IL34: variants seen among roughly 807,000 people sequenced by gnomAD.
IL34 encodes the protein interleukin-34.
Under a neutral mutation model 25.3 loss-of-function variants are expected in IL34, and 17 were observed. The observed-to-expected ratio is 0.67, with a 90% CI of 0.46 to 1.01. IL34 has a LOEUF of 1.01. Ranked by LOEUF, IL34 falls within the 50% of genes least tolerant of loss-of-function variation. The pLI is 0.00. For missense variants in IL34, 368 were observed against 312.9 expected (o/e 1.18, Z -1.33); for synonymous variants, 174 against 140.9 (o/e 1.23, Z -1.66).
In IL34 at chr16:70,660,108, C is replaced by T. The variant is rs148286339; in HGVS notation, c.650C>T (p.Pro217Leu). The T allele has an allele frequency of 6.8e-5, 110 of 1,613,424 alleles. No homozygotes were observed. In the Middle Eastern group the frequency reaches 1.2e-3, roughly 17 times the overall value. Residue 217 changes from proline to leucine, a missense_variant, in exon 6 of 6, where the codon CCG becomes CTG. Coordinates refer to ENST00000288098, the MANE Select transcript of IL34 (RefSeq NM_001393494.1). ...GCCACCCAGCTGTACCCTCCGCCCC[C>T]GTGGTCCCCCAGCTCCCCGCCTCAC... ...YAATQLYPPP[P>L]WSPSSPPHST...
rs1407925976 is a variant in IL34, at chr16:70,604,636, G to C, written c.-401+24587G>C. On this transcript the variant is annotated intron_variant, in intron 1 of 6. Transcript: ENST00000429149. ...TCTGGGTTAGTCAAAAGAGGGACTGGTTCAGCCCAATCCCTGGCAGTGGAT... is the reference window on the plus strand; with the variant it reads ...TCTGGGTTAGTCAAAAGAGGGACTGCTTCAGCCCAATCCCTGGCAGTGGAT... 3.9e-5 allele frequency among the ~76,000 whole-genome samples: 6 copies of C among 152,340 alleles called. No individual in the cohort carries two copies. The East Asian group carries it at 1.2e-3, about 29-fold the overall frequency.
chr16:70,652,090 G>A (rs1181373577), intron 1 of IL34, among the ~76,000 whole-genome samples: 4 of 151,070 alleles, frequency 2.6e-5, no homozygotes, highest in East Asian at 2.0e-4. Flanking sequence ...ATTGCGCCAC[G>A]GCACTCCAGC....
At chr16:70,638,532 C>G (rs946881444) in intron 1 of IL34, among the ~76,000 whole-genome samples, 2 of 152,166 alleles carry the variant, frequency 1.3e-5, no homozygotes, top group Non-Finnish European at 2.9e-5. Flanking sequence ...CACTCTCTCT[C>G]TGGTCCCCTG....
At chr16:70,647,095 C>A in intron 1 of IL34, 120 bp downstream of exon 1, 1 of 893,310 alleles carries the variant, frequency 1.1e-6, no homozygotes, top group Non-Finnish European at 1.6e-6. Flanking sequence ...GCTTCCCAGC[C>A]GGACTGCAGA....
chr16:70,656,820 G>A, intron 3 of IL34, 140 bp from the exon 4 acceptor site: 1 of 1,092,302 alleles, frequency 9.2e-7, no homozygotes, highest in East Asian at 2.4e-5. Flanking sequence ...CTGGCCCTTG[G>A]CCCAGGCACA....
intron 1 of IL34, among the ~76,000 whole-genome samples, chr16:70,590,046 C>T (rs2151806215): frequency 6.6e-6 from 1 of 152,350 alleles, no homozygotes; most frequent in Non-Finnish European, 1.5e-5. Context: ...ACAAGGCTTT[C>T]TGCCTTCGGG....
chr16:70,632,188 G>C (rs571637639), intron 1 of IL34, among the ~76,000 whole-genome samples: 3 of 152,262 alleles, frequency 2.0e-5, no homozygotes, highest in African/African-American at 7.2e-5. Flanking sequence ...AGTTCCTTGG[G>C]ACATGGTAAG....
At chr16:70,621,354 G>C (rs2051278022) in intron 1 of IL34, among the ~76,000 whole-genome samples, 2 of 152,136 alleles carry the variant, frequency 1.3e-5, no homozygotes, top group Non-Finnish European at 2.9e-5. Context: ...GTCTCTCCCA[G>C]AAAATGAAAG....
intron 1 of IL34, among the ~76,000 whole-genome samples, chr16:70,632,767 C>T (rs1371004946): frequency 6.6e-5 from 10 of 152,098 alleles, no homozygotes; most frequent in Admixed American, 3.9e-4. Context: ...TCTGTCTGAT[C>T]AGTGGCCAAG....
intron 1 of IL34, among the ~76,000 whole-genome samples, chr16:70,633,023 G>A (rs902092537): frequency 3.9e-5 from 6 of 152,142 alleles, no homozygotes; most frequent in South Asian, 2.1e-4. Context: ...GGGGTGCAGA[G>A]GCACAACCAT....
intron 1 of IL34, among the ~76,000 whole-genome samples, chr16:70,633,572 A>G (rs1322836736): frequency 6.6e-6 from 1 of 151,726 alleles, no homozygotes; most frequent in East Asian, 1.9e-4. Context: ...GCCAAAATAC[A>G]CAATCTTAAA....
intron 1 of IL34, among the ~76,000 whole-genome samples, chr16:70,647,278 G>T (rs1252088020): frequency 6.6e-6 from 1 of 152,156 alleles, no homozygotes; most frequent in African/African-American, 2.4e-5. Context: ...AGGCTTGTGG[G>T]TGTTGGGGAG....
intron 1 of IL34, among the ~76,000 whole-genome samples, chr16:70,616,254 T>C (rs1218807392): frequency 1.3e-5 from 2 of 152,222 alleles, no homozygotes; most frequent in African/African-American, 4.8e-5. Context: ...ATTTGAGAGA[T>C]ATTGCCAATT....
At position 70,660,127 on chromosome 16, in the gene IL34, G is replaced by C; in HGVS notation, c.669G>C (p.Pro223=). The change falls in exon 6 of 6, where the codon CCG becomes CCC. Residue 223 remains proline, a synonymous_variant. Transcript: ENST00000288098. ...CGCCCCCGTGGTCCCCCAGCTCCCC[G>C]CCTCACTCCACGGGCTCGGTGAGGC... is the stretch of plus-strand genomic sequence containing the variant. ...YPPPPWSPSS[P]PHSTGSVRPV... is the part of the protein sequence containing the mutation. 6.2e-7 allele frequency: 1 copy of C among 1,612,418 alleles called. No individual in the cohort carries two copies. Among genetic ancestry groups the C allele is most frequent in the Non-Finnish European group, 8.5e-7 (1 of 1,179,482 alleles).
chr16:70,657,180 T>A, intron 4 of IL34, 59 bp downstream of exon 4: 1 of 1,547,514 alleles, frequency 6.5e-7, no homozygotes, highest in Non-Finnish European at 8.8e-7. Context: ...TGTGTACATG[T>A]GTGTGAGGTG....
intron 1 of IL34, among the ~76,000 whole-genome samples, chr16:70,648,257 C>A (rs141405123): frequency 1.3e-5 from 2 of 152,080 alleles, no homozygotes; most frequent in South Asian, 4.1e-4. Flanking sequence ...GGTGGAGGTG[C>A]GAATGAAAGG....
intron 4 of IL34, among the ~76,000 whole-genome samples, chr16:70,659,047 A>C (rs911555032): frequency 2.0e-5 from 3 of 152,020 alleles, no homozygotes; most frequent in Non-Finnish European, 2.9e-5. Context: ...ATCACCCCCC[A>C]CGTTTCCCAT....
chr16:70,637,804 C>T (rs2051690428), intron 1 of IL34, among the ~76,000 whole-genome samples: 1 of 152,180 alleles, frequency 6.6e-6, no homozygotes, highest in Non-Finnish European at 1.5e-5. Flanking sequence ...GTTTGATTCT[C>T]ATAGTTGCTG....
intron 1 of IL34, among the ~76,000 whole-genome samples, chr16:70,618,875 T>C (rs1468468221): frequency 6.6e-6 from 1 of 152,046 alleles, no homozygotes; most frequent in African/African-American, 2.4e-5. Flanking sequence ...CTGAGCTTGA[T>C]GGGGGTCAGG....
Sources: allele counts gnomAD v4.1 joint callset (sites outside exome capture counted in the v4.1 genomes callset), GRCh38; gene constraint gnomAD v4.1.1; transcripts MANE v1.5; gene names NCBI Gene and HGNC (gene_info 2026-07-23, HGNC 2026-07-21).